Variants in SV2B observed in about 807,000 individuals in gnomAD.
SV2B encodes solute carrier family 22 member B2.
In SV2B, 41 loss-of-function variants were observed where a neutral mutation model predicts 73.9. That is an observed-to-expected ratio of 0.56 (90% confidence interval 0.43 to 0.72). SV2B has a LOEUF of 0.72. Ranked by LOEUF, SV2B falls within the 30% of genes least tolerant of loss-of-function variation. The probability of loss-of-function intolerance (pLI) is 0.00; values close to 1 mark genes in which losing one functional copy is unlikely to be tolerated. For synonymous variants in SV2B, 314 were observed against 314.2 expected, an observed-to-expected ratio of 1.00 and a Z score of 0.01; for missense variants, 764 against 857.8, an observed-to-expected ratio of 0.89 and a Z score of 1.37.
chr15:91,108,803 C>A (rs1306930287), intron 1 of SV2B, among the ~76,000 whole-genome samples: 1 of 152,204 alleles, frequency 6.6e-6, no homozygotes, highest in East Asian at 1.9e-4. Context: ...CTGTCCTGAC[C>A]TTTGATTACA....
chr15:91,246,054 A>G (rs1208362395), intron 2 of SV2B, among the ~76,000 whole-genome samples: 2 of 128,734 alleles, frequency 1.6e-5, no homozygotes, highest in Non-Finnish European at 3.3e-5. Flanking sequence ...AACTGAAGAA[A>G]TATGAGTTAG....
Position 91,167,803 on chromosome 15 carries a change from T to C in SV2B, c.-391-58070T>C, listed in dbSNP as rs555706264. Among the ~76,000 whole-genome samples the C allele has an allele frequency of 3.3e-5, 5 of 152,352 alleles. No homozygotes were observed. The South Asian group carries it at 1.0e-3, about 32-fold the overall frequency. On this transcript the variant is annotated intron_variant, in intron 1 of 12. Transcript: ENST00000394232. ...CTACCACAAATTACATTCTATAGAT[T>C]TTGATTATTATGTTACAAGAATCTA... is the stretch of plus-strand genomic sequence containing the variant.
intron 4 of SV2B, among the ~76,000 whole-genome samples, chr15:91,255,492 T>C (rs2047653361): frequency 6.6e-6 from 1 of 151,964 alleles, no homozygotes; most frequent in Non-Finnish European, 1.5e-5. Context: ...GGGGGTGAGG[T>C]ATAAAAGACT....
intron 1 of SV2B, among the ~76,000 whole-genome samples, chr15:91,154,743 A>G (rs1386286868): frequency 6.6e-6 from 1 of 152,148 alleles, no homozygotes; most frequent in African/African-American, 2.4e-5. Context: ...ATGAAGCTGC[A>G]AGGTATGGGC....
intron 1 of SV2B, among the ~76,000 whole-genome samples, chr15:91,206,857 A>G (rs1217368195): frequency 1.3e-5 from 2 of 152,200 alleles, no homozygotes; most frequent in African/African-American, 4.8e-5. Flanking sequence ...GAGAAGTTTG[A>G]AGGCTGATGT....
intron 1 of SV2B, among the ~76,000 whole-genome samples, chr15:91,187,912 A>C (rs2044838483): frequency 6.6e-6 from 1 of 152,124 alleles, no homozygotes. Context: ...GATTCGTTTT[A>C]TTTGGGTTTA....
At chr15:91,263,918 C>T (rs11856312) in intron 6 of SV2B, among the ~76,000 whole-genome samples, 6,685 of 152,340 alleles carry the variant, frequency 0.044, 358 homozygotes, top group African/African-American at 0.12. Context: ...TGCTTATGCA[C>T]AGTAGGTTAC....
intron 11 of SV2B, among the ~76,000 whole-genome samples, chr15:91,286,772 C>T (rs535442849): frequency 3.3e-5 from 5 of 152,274 alleles, no homozygotes; most frequent in African/African-American, 7.2e-5. Context: ...AAGCAACTCA[C>T]TCACGGTCAC....
Position 91,139,446 on chromosome 15 carries a change from T to C in SV2B, c.-392+39083T>C, listed in dbSNP as rs1336670707. Among the ~76,000 whole-genome samples the C allele has an allele frequency of 6.6e-6, 1 of 152,014 alleles. No homozygotes were observed. Among genetic ancestry groups the C allele is most frequent in the Non-Finnish European group, 1.5e-5 (1 of 68,002 alleles). ...AGCAGCAAAAATACCACCCTTGAGC[T>C]AAAACCAGAGCTGGGAAATGGAGGC... On this transcript the variant is annotated intron_variant, in intron 1 of 12. Coordinates refer to ENST00000394232, the MANE Select transcript of SV2B (RefSeq NM_001323032.3). This position sits in a 1 kb window ranked among gnomAD's most constrained non-coding sequence, Gnocchi z 5.2.
intron 1 of SV2B, among the ~76,000 whole-genome samples, chr15:91,211,028 C>A (rs1394709802): frequency 1.3e-5 from 2 of 152,208 alleles, no homozygotes. Context: ...AGTAAGGCCA[C>A]ACCCCTAGGG....
At chr15:91,172,159 C>A (rs2044144060) in intron 1 of SV2B, among the ~76,000 whole-genome samples, 2 of 152,216 alleles carry the variant, frequency 1.3e-5, no homozygotes. Flanking sequence ...CCTCACTGGG[C>A]ATTCAGAGCT....
Position 91,191,063 on chromosome 15 carries a change from CTT to C in SV2B, c.-391-34790_-391-34789del, listed in dbSNP as rs59849012. ...TACCCTGGTGGTTTTTTTGGTGTTTCTTTTTTTTTTTTTTTTTTTTTGACAGA... is the reference window on the plus strand; with the variant it reads ...TACCCTGGTGGTTTTTTTGGTGTTTCTTTTTTTTTTTTTTTTTTTGACAGA... On this transcript the variant is annotated intron_variant, in intron 1 of 12. Coordinates refer to ENST00000394232, the MANE Select transcript of SV2B (RefSeq NM_001323032.3). Among the ~76,000 whole-genome samples, 95 of 64,242 alleles carry C rather than the reference CTT, an allele frequency of 1.5e-3. 1 individual carries two copies. The highest frequency in any genetic ancestry group is 3.6e-3 in the African/African-American group (66 of 18,374). The allele number at this position is 64,242 out of a possible 152,430, so 42.1% of individuals were successfully genotyped here.
intron 1 of SV2B, among the ~76,000 whole-genome samples, chr15:91,154,201 A>G (rs532791157): frequency 1.3e-4 from 19 of 148,810 alleles, no homozygotes; most frequent in Admixed American, 1.2e-3. Context: ...ATAAAATTAT[A>G]TTATAAAGTA....
intron 1 of SV2B, among the ~76,000 whole-genome samples, chr15:91,192,022 T>C (rs1257838636): frequency 1.3e-5 from 2 of 152,230 alleles, no homozygotes; most frequent in Non-Finnish European, 2.9e-5. Flanking sequence ...CCAGAGTGAA[T>C]ATATTAGCGT....
At chr15:91,237,880 C>T (rs2046852295) in intron 2 of SV2B, among the ~76,000 whole-genome samples, 1 of 152,150 alleles carries the variant, frequency 6.6e-6, no homozygotes, top group Admixed American at 6.5e-5. Flanking sequence ...TACAGATTTT[C>T]AATGGTTTTC....
intron 1 of SV2B, among the ~76,000 whole-genome samples, chr15:91,151,444 A>T (rs1260540280): frequency 6.6e-6 from 1 of 152,230 alleles, no homozygotes; most frequent in African/African-American, 2.4e-5. Context: ...CTTTAGCCTA[A>T]TCAGCCTGAG....
rs1406218043 is a variant in SV2B at position 91,290,182 on chromosome 15, G to A, written c.1868+502G>A. Among the ~76,000 whole-genome samples the A allele has an allele frequency of 1.3e-5, 2 of 152,164 alleles. No individual in the cohort carries two copies. Among genetic ancestry groups the A allele is most frequent in the Non-Finnish European group, 2.9e-5 (2 of 68,032 alleles). On this transcript the variant is annotated intron_variant, in intron 12 of 12. Coordinates refer to ENST00000394232, the MANE Select transcript of SV2B (RefSeq NM_001323032.3). The surrounding 1 kb of genome is among the most constrained non-coding windows in gnomAD (Gnocchi z 4.7). ...GAAGAGGCCTTGTTTAAAGGCATAG[G>A]ATCAAGGCCATTACTTAGTAATTGT...
chr15:91,145,813 C>A (rs1206626224), intron 1 of SV2B, among the ~76,000 whole-genome samples: 13 of 152,112 alleles, frequency 8.5e-5, no homozygotes, highest in Admixed American at 8.5e-4. Context: ...TGTTGATGTC[C>A]TTTGCCCACT....
At chr15:91,254,066 C>T (rs1468607254) in intron 4 of SV2B, among the ~76,000 whole-genome samples, 1 of 152,198 alleles carries the variant, frequency 6.6e-6, no homozygotes, top group Non-Finnish European at 1.5e-5. Context: ...AGATATCCCT[C>T]ACTCAAATGC....
Sources: allele counts gnomAD v4.1 joint callset (sites outside exome capture counted in the v4.1 genomes callset), GRCh38; gene constraint gnomAD v4.1.1; non-coding constraint Gnocchi (gnomAD v3.1); transcripts MANE v1.5; gene names NCBI Gene and HGNC (gene_info 2026-07-23, HGNC 2026-07-21).